Variants in LRP1B observed in about 807,000 individuals in gnomAD.
The protein encoded by LRP1B is low-density lipoprotein receptor-related protein 1B.
In LRP1B, 217 loss-of-function variants were observed where a neutral mutation model predicts 556.6. That is an observed-to-expected ratio of 0.39 (90% CI 0.35 to 0.44). The LOEUF (loss-of-function observed/expected upper bound fraction) is 0.44. Ranked by LOEUF, LRP1B falls within the 20% of genes least tolerant of loss-of-function variation. LRP1B has a pLI of 1.00. For missense variants in LRP1B, 5,053 were observed against 5,620.8 expected (o/e 0.90, Z 3.23); for synonymous variants, 2,047 against 1,865.8 (o/e 1.10, Z -2.50).
At chr2:140,730,416 T>A (rs1465093444) in intron 35 of LRP1B, among the ~76,000 whole-genome samples, 1 of 152,240 alleles carries the variant, frequency 6.6e-6, no homozygotes, top group East Asian at 1.9e-4. Flanking sequence ...TTTGATCACT[T>A]ACTCTTGATA....
intron 2 of LRP1B, among the ~76,000 whole-genome samples, chr2:141,795,875 T>TATAA (rs1695790864): frequency 1.4e-5 from 1 of 69,960 alleles, no homozygotes; most frequent in Admixed American, 1.3e-4. Flanking sequence ...TATATATATA[T>TATAA]ATATATATAT....
intron 7 of LRP1B, among the ~76,000 whole-genome samples, chr2:141,138,617 A>T (rs1558886310): frequency 6.6e-6 from 1 of 151,848 alleles, no homozygotes; most frequent in African/African-American, 2.4e-5. Flanking sequence ...GGAAACTAAA[A>T]TTTTTTTAAA....
chr2:140,816,901 A>C (rs2105044771), intron 31 of LRP1B, among the ~76,000 whole-genome samples: 1 of 152,298 alleles, frequency 6.6e-6, no homozygotes, highest in South Asian at 2.1e-4. Context: ...AAGTCCCAAC[A>C]ACACTAAATG....
chr2:141,618,181 T>C (rs1362177361), intron 2 of LRP1B, among the ~76,000 whole-genome samples: 1 of 152,164 alleles, frequency 6.6e-6, no homozygotes, highest in African/African-American at 2.4e-5. Context: ...TCTGGTGTGC[T>C]TTTATTTTTT....
chr2:140,865,244 T>C (rs1692912742), intron 27 of LRP1B, among the ~76,000 whole-genome samples: 1 of 152,072 alleles, frequency 6.6e-6, no homozygotes, highest in Admixed American at 6.6e-5. Context: ...AAACTGGTGC[T>C]GAAACTTTTA....
At position 141,384,501 on chromosome 2, in the gene LRP1B, C is replaced by T. The variant is rs372300571; in HGVS notation, c.343+95895G>A. On this transcript the variant is annotated intron_variant, in intron 3 of 90. Transcript: ENST00000389484. ...TTAAATAACATAAAAGAAACAGCTA[C>T]GTAGTGTGGGAAAAAGAATTTCTGG... Among the ~76,000 whole-genome samples the T allele has an allele frequency of 1.1e-4, 17 of 152,112 alleles. No homozygotes were observed. The South Asian group carries it at 1.7e-3, about 15-fold the overall frequency.
At chr2:140,849,200 C>CAAAAAAAAAAAAAAAAAAAAAA (rs70988447) in intron 29 of LRP1B, among the ~76,000 whole-genome samples, 2 of 100,520 alleles carry the variant, frequency 2.0e-5, no homozygotes, top group Non-Finnish European at 3.8e-5. Flanking sequence ...ACTAAAAATA[C>CAAAAAAAAAAAAAAAAAAAAAA]AAAAAAAAAA....
Position 141,315,770 on chromosome 2 carries a change from C to A in LRP1B, c.344-61129G>T, listed in dbSNP as rs77492033. 9.2e-3 allele frequency among the ~76,000 whole-genome samples: 1,399 copies of A among 151,360 alleles called. 16 individuals are homozygous for A. The highest frequency in any genetic ancestry group is 0.038 in the East Asian group (193 of 5,146). On this transcript the variant is annotated intron_variant, in intron 3 of 90. Coordinates refer to ENST00000389484, the MANE Select transcript of LRP1B (RefSeq NM_018557.3). ...GGCCTGATACTTATCCTGCAGGAGA[C>A]CTTTCAGAATTTTTTTTTGTTTTGT... is the stretch of plus-strand genomic sequence containing the variant.
At chr2:141,465,426 A>C (rs1458022443) in intron 3 of LRP1B, among the ~76,000 whole-genome samples, 1 of 152,172 alleles carries the variant, frequency 6.6e-6, no homozygotes, top group East Asian at 1.9e-4. Context: ...TCTTCCCTTA[A>C]ACTCCATTAA....
At chr2:142,130,623 G>C (rs777072339) in intron 1 of LRP1B, 25 bp downstream of exon 1, 14 of 1,589,390 alleles carry the variant, frequency 8.8e-6, no homozygotes, top group Non-Finnish European at 1.2e-5. Context: ...GTCAGGGGAG[G>C]GGAGCGGGGA....
chr2:141,498,085 A>G (rs989294011), intron 2 of LRP1B, among the ~76,000 whole-genome samples: 1 of 152,042 alleles, frequency 6.6e-6, no homozygotes, highest in East Asian at 1.9e-4. Context: ...TCAGGAGCAA[A>G]TGTACCTATA....
chr2:141,241,288 A>T (rs1683867981), intron 5 of LRP1B, among the ~76,000 whole-genome samples: 1 of 152,126 alleles, frequency 6.6e-6, no homozygotes, highest in Non-Finnish European at 1.5e-5. Context: ...CGGGATTCCA[A>T]AGGCAGGCTG....
At chr2:141,204,832 G>A (rs559124717) in intron 6 of LRP1B, among the ~76,000 whole-genome samples, 1 of 152,128 alleles carries the variant, frequency 6.6e-6, no homozygotes, top group East Asian at 1.9e-4. Flanking sequence ...AACTATTTGG[G>A]AGGCTGAGGC....
At chr2:140,819,589 A>G (rs1347620553) in intron 31 of LRP1B, among the ~76,000 whole-genome samples, 1 of 152,218 alleles carries the variant, frequency 6.6e-6, no homozygotes, top group Non-Finnish European at 1.5e-5. Flanking sequence ...AGAAGAACAG[A>G]GAAGAAATAT....
At chr2:141,869,397 A>G (rs1698512941) in intron 1 of LRP1B, among the ~76,000 whole-genome samples, 1 of 151,972 alleles carries the variant, frequency 6.6e-6, no homozygotes, top group Non-Finnish European at 1.5e-5. Context: ...AAGGATGATA[A>G]TATTATATAT....
chr2:142,019,046 T>C (rs1703246648), intron 1 of LRP1B, among the ~76,000 whole-genome samples: 1 of 152,218 alleles, frequency 6.6e-6, no homozygotes, highest in African/African-American at 2.4e-5. Context: ...AAAAAGGCTC[T>C]AAAGTGAGAT....
intron 2 of LRP1B, among the ~76,000 whole-genome samples, chr2:141,524,744 C>T (rs1409953012): frequency 3.3e-5 from 5 of 151,058 alleles, no homozygotes; most frequent in Non-Finnish European, 1.5e-5. Context: ...GAAATTACCC[C>T]ATCAACTCTT....
chr2:141,189,413 A>T (rs1681401570), intron 6 of LRP1B, among the ~76,000 whole-genome samples: 1 of 152,000 alleles, frequency 6.6e-6, no homozygotes, highest in African/African-American at 2.4e-5. Flanking sequence ...CTTGTGATAC[A>T]AAGAACAATG....
intron 41 of LRP1B, among the ~76,000 whole-genome samples, chr2:140,692,183 A>T (rs988907729): frequency 6.6e-6 from 1 of 152,174 alleles, no homozygotes; most frequent in African/African-American, 2.4e-5. Flanking sequence ...TGAAAATATT[A>T]CTATGTTATT....
Sources: allele counts gnomAD v4.1 joint callset (sites outside exome capture counted in the v4.1 genomes callset), GRCh38; gene constraint gnomAD v4.1.1; transcripts MANE v1.5; gene names NCBI Gene and HGNC (gene_info 2026-07-23, HGNC 2026-07-21).